Variants in BHMT2 observed in about 807,000 individuals in gnomAD.
BHMT2 encodes betaine--homocysteine S-methyltransferase 2, also known as S-methylmethionine--homocysteine S-methyltransferase BHMT2.
BHMT2 carries 28 observed loss-of-function variants against 39.0 expected under a neutral mutation model. The ratio of observed to expected loss-of-function variants is 0.72; its 90% CI spans 0.53 to 0.98. The LOEUF is 0.98. Among genes scored for constraint, BHMT2 ranks in the 50% least tolerant of loss-of-function variants. The pLI, the probability that BHMT2 is intolerant of heterozygous loss-of-function variation, is 0.00. For synonymous variants in BHMT2, 145 were observed against 160.6 expected, an observed-to-expected ratio of 0.90 and a Z score of 0.74; for missense variants, 410 against 455.6, an observed-to-expected ratio of 0.90 and a Z score of 0.91.
At chr5:79,074,010 C>T (rs938935611) in intron 1 of BHMT2, among the ~76,000 whole-genome samples, 1 of 152,168 alleles carries the variant, frequency 6.6e-6, no homozygotes, top group Admixed American at 6.5e-5. Context: ...TCCAGGGTCA[C>T]GTGAGGGGCA....
chr5:79,087,041 T>TATATATATATAC (rs1491463046), intron 7 of BHMT2, among the ~76,000 whole-genome samples: 3 of 138,392 alleles, frequency 2.2e-5, no homozygotes, highest in Admixed American at 7.2e-5. Flanking sequence ...TATATATATA[T>TATATATATATAC]ACATATGTAT....
At chr5:79,074,754 G>A (rs1390173270) in intron 1 of BHMT2, among the ~76,000 whole-genome samples, 1 of 152,204 alleles carries the variant, frequency 6.6e-6, no homozygotes, top group East Asian at 1.9e-4. Flanking sequence ...TAGCGTTGGA[G>A]CTGGACACAT....
At chr5:79,073,245 T>C (rs2112693031) in intron 1 of BHMT2, among the ~76,000 whole-genome samples, 1 of 152,352 alleles carries the variant, frequency 6.6e-6, no homozygotes, top group Admixed American at 6.5e-5. Context: ...ATTACAGGCG[T>C]GAGCCACCGC....
chr5:79,081,586 G>A lies in BHMT2; in HGVS notation c.450+708G>A, dbSNP rs571143982. On this transcript the variant is annotated intron_variant, in intron 4 of 7. Coordinates refer to ENST00000255192, the MANE Select transcript of BHMT2 (RefSeq NM_017614.5). ...ACAAGAGAATATCCCCTGGCTTGGC[G>A]CGGTAGCTCACACCTGTAATCCCAG... Among the ~76,000 whole-genome samples the A allele has an allele frequency of 1.1e-4, 17 of 152,200 alleles. 1 individual carries two copies. The highest frequency in any genetic ancestry group is 3.6e-4 in the African/African-American group (15 of 41,508).
chr5:79,083,540 T>G (rs917494344), intron 6 of BHMT2, 88 bp from the exon 7 acceptor site: 1 of 1,524,022 alleles, frequency 6.6e-7, no homozygotes, highest in Non-Finnish European at 8.8e-7. Context: ...AGTTTATAGT[T>G]TTTTTAATTG....
At chr5:79,087,486 A>G (rs938738828) in intron 7 of BHMT2, among the ~76,000 whole-genome samples, 2 of 152,204 alleles carry the variant, frequency 1.3e-5, no homozygotes, top group African/African-American at 4.8e-5. Flanking sequence ...ATTATTCTGT[A>G]GACCAAAGCA....
intron 1 of BHMT2, among the ~76,000 whole-genome samples, chr5:79,073,213 C>T (rs1361405483): frequency 2.6e-5 from 4 of 152,176 alleles, no homozygotes; most frequent in African/African-American, 9.7e-5. Flanking sequence ...ATCTGCCTGC[C>T]TCAGCCTCCC....
chr5:79,083,508 A>G, intron 6 of BHMT2, 120 bp from the exon 7 acceptor site: 1 of 1,466,154 alleles, frequency 6.8e-7, no homozygotes, highest in Non-Finnish European at 9.1e-7. Flanking sequence ...AAAATGAGCT[A>G]TCAGAAGAAT....
At position 79,080,864 on chromosome 5, in the gene BHMT2, T is replaced by C; in HGVS notation, c.436T>C (p.Phe146Leu). Residue 146 changes from phenylalanine (F) to leucine (L), a missense_variant, in exon 4 of 8, where the codon TTC becomes CTC. Physicochemically the swap from Phe to Leu is conservative, Grantham distance 22. Transcript: ENST00000255192. Reference sequence around the variant, plus strand: ...AGTTTTTGCCTGGAAAAATGTGGACTTCTTGATTGCAGAGGTGAGGCTAGT... The same window carrying C: ...AGTTTTTGCCTGGAAAAATGTGGACCTCTTGATTGCAGAGGTGAGGCTAGT... ...LEVFAWKNVD[F>L]LIAEYFEHVE... 3.8e-6 allele frequency: 6 copies of C among 1,595,724 alleles called. No homozygotes were observed. Among genetic ancestry groups the C allele is most frequent in the Non-Finnish European group, 5.1e-6 (6 of 1,173,780 alleles).
chr5:79,077,626 T>C lies in BHMT2; in HGVS notation c.166+14T>C, dbSNP rs767151245. 5.6e-6 allele frequency: 9 copies of C among 1,610,080 alleles called. No individual in the cohort carries two copies. The African/African-American group carries it at 1.2e-4, about 22-fold the overall frequency. ...ACCCAGACGCAGGTTGGTGTCCACA[T>C]CCCCAAGAGTGTCTACCTGAGTGGT... On this transcript the variant is annotated intron_variant, in intron 2 of 7. Coordinates refer to ENST00000255192, the MANE Select transcript of BHMT2 (RefSeq NM_017614.5).
chr5:79,085,543 TG>T (rs1378745230), intron 7 of BHMT2, among the ~76,000 whole-genome samples: 2 of 152,138 alleles, frequency 1.3e-5, no homozygotes, highest in Non-Finnish European at 2.9e-5. Context: ...TAGCCTGGCG[TG>T]GTGGCGGGAG....
At chr5:79,082,393 T>C (rs1755803547) in intron 4 of BHMT2, 1 of 164,688 alleles carries the variant, frequency 6.1e-6, no homozygotes, top group Non-Finnish European at 1.3e-5. Context: ...CTCTTTGAAC[T>C]ATAACACATG....
chr5:79,073,847 T>G (rs576681833), intron 1 of BHMT2, among the ~76,000 whole-genome samples: 7 of 152,318 alleles, frequency 4.6e-5, no homozygotes, highest in Middle Eastern at 3.4e-3. Flanking sequence ...CCCCTTCTGA[T>G]GGACCTTCTT....
rs756813656 is a variant in BHMT2 at position 79,083,301 on chromosome 5, G to A, written c.708G>A (p.Met236Ile). Residue 236 changes from methionine (M) to isoleucine (I), a missense_variant, in exon 6 of 8, where the codon ATG (methionine) becomes ATA (isoleucine). By Grantham distance (10) the Met-to-Ile change is conservative. Coordinates refer to ENST00000255192, the MANE Select transcript of BHMT2 (RefSeq NM_017614.5). ...LEWAGLKAHL[M>I]VQPLGFHAPD... ...GGGCAGGGCTGAAAGCGCACCTCAT[G>A]GTGCAGCCTCTGGGGTTCCACGCGC... 20 of 1,613,588 alleles carry A rather than the reference G, an allele frequency of 1.2e-5. No individual in the cohort carries two copies. The highest frequency in any genetic ancestry group is 3.3e-4 in the Middle Eastern group (2 of 6,082).
At chr5:79,086,212 G>A (rs935628347) in intron 7 of BHMT2, among the ~76,000 whole-genome samples, 8 of 152,120 alleles carry the variant, frequency 5.3e-5, no homozygotes, top group Non-Finnish European at 1.0e-4. Flanking sequence ...GTTCAGGCTG[G>A]CTCTCTCACT....
At position 79,088,683 on chromosome 5, in the gene BHMT2, C is replaced by T; in HGVS notation, c.*109C>T. On this transcript the variant is annotated 3_prime_UTR_variant, in exon 8 of 8. Transcript: ENST00000255192. ...CCTCACCATGCCCTGCTATCTCCAG[C>T]TGCTGAGCAGCTGAGGTGCTGCAGC... The T allele has an allele frequency of 1.2e-6, 1 of 832,246 alleles. No homozygotes were observed. The highest frequency in any genetic ancestry group is 1.9e-6 in the Non-Finnish European group (1 of 518,250). The allele number at this position is 832,246 out of a possible 1,614,324, so 51.6% of individuals were successfully genotyped here.
chr5:79,087,002 G>A (rs200061541), intron 7 of BHMT2, among the ~76,000 whole-genome samples: 2 of 103,708 alleles, frequency 1.9e-5, no homozygotes, highest in East Asian at 2.4e-4. Flanking sequence ...GTATGTATGT[G>A]TGTGTGTGTG....
intron 4 of BHMT2, 63 bp downstream of exon 4, chr5:79,080,941 A>C: frequency 1.4e-6 from 2 of 1,421,910 alleles, no homozygotes; most frequent in South Asian, 2.9e-5. Flanking sequence ...CAGAGTCTTC[A>C]CATTTCATGA....
chr5:79,088,399 G>GTGTGTGTGTGTGTGTGT, intron 7 of BHMT2, 94 bp from the exon 8 acceptor site: 1 of 358,138 alleles, frequency 2.8e-6, no homozygotes, highest in East Asian at 6.3e-5. Flanking sequence ...TGTGTGTGTG[G>GTGTGTGTGTGTGTGTGT]TTATATACAT....
Sources: gnomAD v4.1 joint callset for allele counts (sites outside exome capture counted in the v4.1 genomes callset) on GRCh38, gnomAD v4.1.1 for gene constraint, MANE v1.5 for transcripts, NCBI Gene and HGNC (gene_info 2026-07-23, HGNC 2026-07-21) for gene names.